Variants in MERTK observed in about 807,000 individuals in gnomAD.
MERTK encodes MER proto-oncogene, tyrosine kinase.
In MERTK, 69 loss-of-function variants were observed where a neutral mutation model predicts 99.3. That is an observed-to-expected ratio of 0.70 (90% CI 0.57 to 0.85). The LOEUF is 0.85. Ranked by LOEUF, MERTK falls within the 40% of genes least tolerant of loss-of-function variation. MERTK has a pLI of 0.00. For missense variants in MERTK, 1,125 were observed against 1,249.4 expected (o/e 0.90, Z 1.50); for synonymous variants, 426 against 467.6 (o/e 0.91, Z 1.15).
At chr2:111,985,431 G>A (rs1319206105) in intron 8 of MERTK, among the ~76,000 whole-genome samples, 1 of 152,168 alleles carries the variant, frequency 6.6e-6, no homozygotes, top group Non-Finnish European at 1.5e-5. Context: ...TCATTATCAA[G>A]TCTGTCTCTT....
intron 8 of MERTK, among the ~76,000 whole-genome samples, chr2:111,983,873 C>T (rs1676420657): frequency 6.6e-6 from 1 of 152,238 alleles, no homozygotes; most frequent in East Asian, 1.9e-4. Context: ...AACAAAGATG[C>T]TTGGAGCCTG....
intron 8 of MERTK, among the ~76,000 whole-genome samples, chr2:111,984,158 G>A (rs1381876800): frequency 6.6e-6 from 1 of 151,092 alleles, no homozygotes; most frequent in African/African-American, 2.4e-5. Context: ...GAGTACTGAT[G>A]TCTCAGCTCA....
Position 111,994,407 on chromosome 2 carries a change from G to A in MERTK, c.1450+3G>A. ...GAAAATATTTATCCCTGCACACGGTGAGAGCTATACCCAGTAAGGGCTGAT... is the reference window on the plus strand; with the variant it reads ...GAAAATATTTATCCCTGCACACGGTAAGAGCTATACCCAGTAAGGGCTGAT... On this transcript the variant is annotated splice_donor_region_variant and intron_variant, in intron 9 of 18. Coordinates refer to ENST00000295408, the MANE Select transcript of MERTK (RefSeq NM_006343.3). The A allele has an allele frequency of 1.9e-6, 3 of 1,614,134 alleles. No homozygotes were observed. The highest frequency in any genetic ancestry group is 2.5e-6 in the Non-Finnish European group (3 of 1,180,012).
intron 8 of MERTK, among the ~76,000 whole-genome samples, chr2:111,983,255 T>G (rs1249739210): frequency 6.6e-6 from 1 of 152,206 alleles, no homozygotes; most frequent in East Asian, 1.9e-4. Context: ...AGACATAGAA[T>G]TCATCCTCTG....
chr2:111,905,433 CTTTTTTTTTTT>C (rs61232340), intron 1 of MERTK, among the ~76,000 whole-genome samples: 1 of 85,276 alleles, frequency 1.2e-5, no homozygotes, highest in Admixed American at 1.8e-4. Context: ...CTACACTGTT[CTTTTTTTTTTT>C]TTTTTTTTTT....
intron 4 of MERTK, among the ~76,000 whole-genome samples, chr2:111,953,857 G>A (rs1685099874): frequency 6.6e-6 from 1 of 152,200 alleles, no homozygotes; most frequent in Admixed American, 6.5e-5. Flanking sequence ...CTACAGGCGT[G>A]AGCCACTGTG....
At chr2:111,939,978 G>A (rs1036783444) in intron 2 of MERTK, among the ~76,000 whole-genome samples, 6 of 151,782 alleles carry the variant, frequency 4.0e-5, no homozygotes, top group African/African-American at 1.5e-4. Context: ...CTTCCCTTCT[G>A]CCTCTGTCTA....
chr2:111,995,315 C>T (rs1236349371), intron 9 of MERTK, among the ~76,000 whole-genome samples: 3 of 152,234 alleles, frequency 2.0e-5, no homozygotes, highest in Non-Finnish European at 2.9e-5. Context: ...GCTGTGCTCA[C>T]TCCATAACCC....
chr2:112,021,983 C>A (rs1346063974), intron 17 of MERTK, among the ~76,000 whole-genome samples: 1 of 152,088 alleles, frequency 6.6e-6, no homozygotes, highest in Non-Finnish European at 1.5e-5. Flanking sequence ...AAAAAAAGCA[C>A]CTCACAGCAA....
chr2:112,018,037 C>G (rs1677253734), intron 15 of MERTK, among the ~76,000 whole-genome samples: 1 of 152,240 alleles, frequency 6.6e-6, no homozygotes, highest in Non-Finnish European at 1.5e-5. Context: ...GCTACAATTG[C>G]ATTTGTAGCC....
intron 1 of MERTK, among the ~76,000 whole-genome samples, chr2:111,919,325 C>T (rs1230696565): frequency 6.6e-6 from 1 of 151,754 alleles, no homozygotes; most frequent in Admixed American, 6.6e-5. Flanking sequence ...GGGGTCTGAC[C>T]CTGGCTGCAC....
chr2:112,006,270 A>T (rs1266445490), intron 13 of MERTK, among the ~76,000 whole-genome samples: 1 of 152,190 alleles, frequency 6.6e-6, no homozygotes, highest in Non-Finnish European at 1.5e-5. Context: ...GACCATAATG[A>T]CTAATATTTA....
In MERTK at chr2:111,929,212, TC is replaced by T; in HGVS notation, c.157del (p.Leu53PhefsTer11). ...SLQTDHTPLL[S>X]LPHASGYQPA... ...GCAAACTGACCACACACCGCTGTTA[TC>T]CCTTCCTCACGCCAGTGGGTACCAG... On this transcript the variant is annotated frameshift_variant, in exon 2 of 19. Transcript: ENST00000295408. LOFTEE classifies it high-confidence loss of function. 1 of 1,614,186 alleles carries T rather than the reference TC, an allele frequency of 6.2e-7. No homozygotes were observed. The highest frequency in any genetic ancestry group is 8.5e-7 in the Non-Finnish European group (1 of 1,180,036).
chr2:112,023,796 G>A (rs1306079967), intron 18 of MERTK, among the ~76,000 whole-genome samples: 1 of 152,088 alleles, frequency 6.6e-6, no homozygotes, highest in Admixed American at 6.6e-5. Context: ...TATTTAGCAA[G>A]AACATTTCAG....
chr2:111,918,027 A>G (rs1684385258), intron 1 of MERTK, among the ~76,000 whole-genome samples: 1 of 152,118 alleles, frequency 6.6e-6, no homozygotes, highest in African/African-American at 2.4e-5. Flanking sequence ...TAAAACTGAA[A>G]CTCTGTAACC....
At chr2:112,024,780 A>G (rs985362779) in intron 18 of MERTK, 3 of 152,306 alleles carry the variant, frequency 2.0e-5, no homozygotes, top group Non-Finnish European at 4.4e-5. Flanking sequence ...AATAAACAAA[A>G]TTAGCTGGGT....
intron 1 of MERTK, among the ~76,000 whole-genome samples, chr2:111,925,535 T>TC (rs1470653640): frequency 1.3e-5 from 2 of 151,546 alleles, no homozygotes; most frequent in African/African-American, 4.8e-5. Flanking sequence ...ACTCCTGACC[T>TC]CAGGTGATCC....
At chr2:111,919,474 G>C (rs548223864) in intron 1 of MERTK, among the ~76,000 whole-genome samples, 1 of 152,294 alleles carries the variant, frequency 6.6e-6, no homozygotes, top group East Asian at 1.9e-4. Flanking sequence ...GTTCCGCTGG[G>C]TTTGACAGCA....
At chr2:111,936,963 A>G (rs1399188066) in intron 2 of MERTK, among the ~76,000 whole-genome samples, 2 of 152,192 alleles carry the variant, frequency 1.3e-5, no homozygotes, top group African/African-American at 4.8e-5. Flanking sequence ...AGCAGCCACC[A>G]GACCAGACGA....
Sources: gnomAD v4.1 joint callset for allele counts (sites outside exome capture counted in the v4.1 genomes callset) on GRCh38, gnomAD v4.1.1 for gene constraint, MANE v1.5 for transcripts, NCBI Gene and HGNC (gene_info 2026-07-23, HGNC 2026-07-21) for gene names.